EYS: variants seen among roughly 807,000 people sequenced by gnomAD.
EYS encodes the protein EGF-like photoreceptor maintenance factor.
In EYS, 250 loss-of-function variants were observed where a neutral mutation model predicts 282.1. The observed-to-expected ratio is 0.89, with a 90% CI of 0.80 to 0.98. The LOEUF is 0.98. EYS is among the 50% of genes least tolerant of loss of function. The probability of loss-of-function intolerance (pLI) is 0.00; values close to 1 mark genes in which losing one functional copy is unlikely to be tolerated. For synonymous variants in EYS, 1,355 were observed against 1,282.9 expected, an observed-to-expected ratio of 1.06 and a Z score of -1.20; for missense variants, 4,016 against 3,709.0, an observed-to-expected ratio of 1.08 and a Z score of -2.15.
chr6:65,349,472 GTATAA>G (rs1486378100), intron 9 of EYS, among the ~76,000 whole-genome samples: 4 of 151,412 alleles, frequency 2.6e-5, no homozygotes, highest in African/African-American at 7.3e-5. Flanking sequence ...TGTATGTCCA[GTATAA>G]TATAAGTTTT....
chr6:63,777,140 T>A (rs182969805), intron 40 of EYS, among the ~76,000 whole-genome samples: 697 of 152,346 alleles, frequency 4.6e-3, no homozygotes, highest in Non-Finnish European at 7.7e-3. Flanking sequence ...CCACAAATTT[T>A]ACTGTGACTA....
At chr6:64,335,631 G>A (rs1193755280) in intron 29 of EYS, among the ~76,000 whole-genome samples, 1 of 151,994 alleles carries the variant, frequency 6.6e-6, no homozygotes, top group Admixed American at 6.6e-5. Flanking sequence ...AAATTCTCCC[G>A]AACCTTTTTC....
intron 22 of EYS, among the ~76,000 whole-genome samples, chr6:64,670,146 T>A (rs1769397581): frequency 6.6e-6 from 1 of 152,140 alleles, no homozygotes; most frequent in South Asian, 2.1e-4. Flanking sequence ...GTGGGCACCT[T>A]ACTCCAAGTT....
intron 35 of EYS, among the ~76,000 whole-genome samples, chr6:63,891,199 C>G (rs1444852337): frequency 6.6e-6 from 1 of 152,050 alleles, no homozygotes; most frequent in African/African-American, 2.4e-5. Context: ...CTATTCTAAA[C>G]AATAGAAGAA....
Position 64,333,557 on chromosome 6 carries a change from C to T in EYS, c.6079-26475G>A, listed in dbSNP as rs1022180372. On this transcript the variant is annotated intron_variant, in intron 29 of 42. Coordinates refer to ENST00000503581, the MANE Select transcript of EYS (RefSeq NM_001142800.2). ...CAAGAAGTGAAGATAGGGTGCACAA[C>T]TGGAACATGCAACCCACTCAATCTG... 3.3e-5 allele frequency among the ~76,000 whole-genome samples: 5 copies of T among 152,120 alleles called. No individual in the cohort carries two copies. In the East Asian group the frequency reaches 7.7e-4, roughly 24 times the overall value.
chr6:64,798,239 A>G (rs2150005713), intron 22 of EYS, among the ~76,000 whole-genome samples: 1 of 152,004 alleles, frequency 6.6e-6, no homozygotes, highest in South Asian at 2.1e-4. Flanking sequence ...TTACATACTC[A>G]TATCTCCCTC....
chr6:64,658,515 C>T (rs191634945), intron 22 of EYS, among the ~76,000 whole-genome samples: 6 of 152,268 alleles, frequency 3.9e-5, no homozygotes, highest in Admixed American at 2.6e-4. Flanking sequence ...ATGATGGTGA[C>T]GTACAGATGG....
chr6:64,385,452 C>A (rs137914788), intron 29 of EYS, among the ~76,000 whole-genome samples: 1 of 152,218 alleles, frequency 6.6e-6, no homozygotes, highest in East Asian at 1.9e-4. Context: ...TAGCTGGCTG[C>A]CTTTTTAATT....
At chr6:64,148,794 G>A (rs1228513537) in intron 31 of EYS, among the ~76,000 whole-genome samples, 2 of 152,036 alleles carry the variant, frequency 1.3e-5, no homozygotes. Context: ...AGAAATGATT[G>A]GAAGTCAAAA....
intron 2 of EYS, among the ~76,000 whole-genome samples, chr6:65,618,491 T>C (rs1321909464): frequency 3.9e-5 from 6 of 152,278 alleles, no homozygotes; most frequent in East Asian, 3.9e-4. Flanking sequence ...AATTTTTTCC[T>C]ATTTTGTAGG....
intron 12 of EYS, among the ~76,000 whole-genome samples, chr6:65,131,822 G>T (rs994402758): frequency 5.9e-5 from 9 of 151,606 alleles, no homozygotes; most frequent in Non-Finnish European, 1.5e-5. Flanking sequence ...ATAGGCTGCT[G>T]GTAGACTAAT....
rs1767444370 is a variant in EYS at position 64,895,883 on chromosome 6, A to G, written c.2846+6230T>C. On this transcript the variant is annotated intron_variant, in intron 18 of 42. Transcript: ENST00000503581. ...AATCTTAATTATTTTAAAAGGAAAT[A>G]TAGGGAAAAAATCCTTTCATCCTAG... Among the ~76,000 whole-genome samples, 3 of 152,238 alleles carry G rather than the reference A, an allele frequency of 2.0e-5. No individual in the cohort carries two copies. The South Asian group carries it at 6.2e-4, about 32-fold the overall frequency.
At chr6:64,751,789 C>T (rs1583114085) in intron 22 of EYS, among the ~76,000 whole-genome samples, 1 of 152,190 alleles carries the variant, frequency 6.6e-6, no homozygotes, top group African/African-American at 2.4e-5. Context: ...TCTGCTATCA[C>T]AGCCCCATAT....
At chr6:65,525,194 C>T (rs1349112059) in intron 2 of EYS, among the ~76,000 whole-genome samples, 2 of 151,970 alleles carry the variant, frequency 1.3e-5, no homozygotes, top group African/African-American at 4.8e-5. Flanking sequence ...GAAGATAGGG[C>T]TCAATGAAAC....
intron 12 of EYS, among the ~76,000 whole-genome samples, chr6:65,083,000 T>C (rs995469092): frequency 9.9e-5 from 15 of 152,000 alleles, no homozygotes; most frequent in Non-Finnish European, 1.6e-4. Flanking sequence ...TACTATACTA[T>C]CTTTCAAGAC....
chr6:65,275,626 G>A (rs1768024183), intron 12 of EYS, among the ~76,000 whole-genome samples: 1 of 152,158 alleles, frequency 6.6e-6, no homozygotes, highest in South Asian at 2.1e-4. Flanking sequence ...ATGGCCAAAA[G>A]GGCAATCATA....
intron 24 of EYS, among the ~76,000 whole-genome samples, chr6:64,606,723 G>C (rs1289467917): frequency 6.6e-6 from 1 of 151,994 alleles, no homozygotes; most frequent in Non-Finnish European, 1.5e-5. Context: ...CTTATAGTCA[G>C]AAAGTCTTTG....
At chr6:64,544,570 A>T (rs967758323) in intron 26 of EYS, among the ~76,000 whole-genome samples, 9 of 152,202 alleles carry the variant, frequency 5.9e-5, no homozygotes, top group African/African-American at 2.2e-4. Flanking sequence ...CAAAAAATCA[A>T]TGAATCCAGC....
intron 5 of EYS, among the ~76,000 whole-genome samples, chr6:65,437,871 T>A (rs75868633): frequency 0.013 from 1,990 of 152,224 alleles, 42 homozygotes; most frequent in African/African-American, 0.045. Flanking sequence ...TTTTTTTCAA[T>A]TATACTTTAA....
Sources: allele counts gnomAD v4.1 joint callset (sites outside exome capture counted in the v4.1 genomes callset), GRCh38; gene constraint gnomAD v4.1.1; transcripts MANE v1.5; gene names NCBI Gene and HGNC (gene_info 2026-07-23, HGNC 2026-07-21).